Variants in AEBP2 observed in about 807,000 individuals in gnomAD.
The protein encoded by AEBP2 is AE binding protein 2, also known as zinc finger protein AEBP2.
A neutral mutation model predicts 50.8 loss-of-function variants in AEBP2; 10 were observed. That is an observed-to-expected ratio of 0.20 (90% CI 0.12 to 0.33). The LOEUF is 0.33. Among genes scored for constraint, AEBP2 ranks in the 10% least tolerant of loss-of-function variants. The pLI is 1.00. For synonymous variants in AEBP2, 296 were observed against 261.3 expected, an observed-to-expected ratio of 1.13 and a Z score of -1.28; for missense variants, 570 against 688.0, an observed-to-expected ratio of 0.83 and a Z score of 1.92.
At chr12:19,421,705 G>A (rs1056735267) in intron 1 of AEBP2, among the ~76,000 whole-genome samples, 6 of 152,246 alleles carry the variant, frequency 3.9e-5, no homozygotes, top group South Asian at 2.1e-4. Flanking sequence ...TAGCAGGGGG[G>A]CCTGGAGGCC....
Position 19,481,861 on chromosome 12 carries a change from G to A in AEBP2, c.987+8506G>A, listed in dbSNP as rs186460816. On this transcript the variant is annotated intron_variant, in intron 3 of 7. Transcript: ENST00000266508. ...TGTTTCTTTATGATATTTTTTCTCT[G>A]GAGAATTTTTCATCCGTATCCTGTA... 4.7e-4 allele frequency among the ~76,000 whole-genome samples: 72 copies of A among 152,194 alleles called. 3 individuals are homozygous for A. In the East Asian group the frequency reaches 7.5e-3, roughly 16 times the overall value.
chr12:19,487,858 G>A (rs1948834505), intron 3 of AEBP2, among the ~76,000 whole-genome samples: 1 of 152,118 alleles, frequency 6.6e-6, no homozygotes, highest in Non-Finnish European at 1.5e-5. Context: ...TCTGATTAGT[G>A]AGCTTTGATT....
intron 1 of AEBP2, chr12:19,440,854 CT>C (rs1947945088): frequency 6.0e-6 from 7 of 1,164,034 alleles, no homozygotes; most frequent in African/African-American, 3.1e-5. Context: ...CCAGCTATCA[CT>C]TTTCTCTACT....
intron 1 of AEBP2, among the ~76,000 whole-genome samples, chr12:19,461,676 A>AT (rs1237476469): frequency 5.3e-5 from 8 of 151,864 alleles, no homozygotes; most frequent in African/African-American, 1.9e-4. Context: ...CACCCGGATA[A>AT]TTTTTTGTAT....
chr12:19,424,912 G>C (rs770914092), intron 1 of AEBP2, among the ~76,000 whole-genome samples: 1 of 152,088 alleles, frequency 6.6e-6, no homozygotes, highest in Non-Finnish European at 1.5e-5. Flanking sequence ...AGGAGGCTGA[G>C]GCGGGAGAAT....
At chr12:19,446,544 A>G (rs1459974458) in intron 1 of AEBP2, among the ~76,000 whole-genome samples, 1 of 152,098 alleles carries the variant, frequency 6.6e-6, no homozygotes, top group East Asian at 1.9e-4. Context: ...CCTGGCTAAC[A>G]CGGTGAAACC....
intron 1 of AEBP2, among the ~76,000 whole-genome samples, chr12:19,407,474 C>G (rs560249220): frequency 8.6e-5 from 13 of 152,000 alleles, no homozygotes; most frequent in African/African-American, 1.4e-4. Context: ...CAGTTAATTT[C>G]TGTATTTTTA....
intron 1 of AEBP2, among the ~76,000 whole-genome samples, chr12:19,430,543 T>C (rs1170461087): frequency 1.3e-5 from 2 of 152,182 alleles, no homozygotes; most frequent in East Asian, 3.9e-4. Context: ...GGGGATGGCA[T>C]TGAATCTATA....
chr12:19,429,591 C>A (rs1408893894), intron 1 of AEBP2, among the ~76,000 whole-genome samples: 1 of 152,208 alleles, frequency 6.6e-6, no homozygotes, highest in Non-Finnish European at 1.5e-5. Flanking sequence ...TACAGTCCCA[C>A]CAACAGTATA....
chr12:19,486,921 G>A (rs935437084), intron 3 of AEBP2, among the ~76,000 whole-genome samples: 3 of 151,968 alleles, frequency 2.0e-5, no homozygotes, highest in Non-Finnish European at 2.9e-5. Context: ...GCCTTCCAAG[G>A]TGCTGGGATT....
At chr12:19,485,280 G>T (rs962646746) in intron 3 of AEBP2, among the ~76,000 whole-genome samples, 1 of 151,778 alleles carries the variant, frequency 6.6e-6, no homozygotes, top group African/African-American at 2.4e-5. Flanking sequence ...GTCTTTGAAA[G>T]AAAAAAAGTT....
At position 19,473,385 on chromosome 12, in the gene AEBP2, ATTTATTT is replaced by A. The variant is rs1460100841; in HGVS notation, c.987+31_987+37del. The A allele has an allele frequency of 6.6e-5, 32 of 483,828 alleles. 1 individual carries two copies. The highest frequency in any genetic ancestry group is 1.6e-4 in the African/African-American group (5 of 32,210). The allele number at this position is 483,828 out of a possible 1,614,324, so 30.0% of individuals were successfully genotyped here. ...GGATGCATGTATATAAAATTTATTT[ATTTATTT>A]ATTTATTTATTTATTTATTTATTTA... is the stretch of plus-strand genomic sequence containing the variant. On this transcript the variant is annotated intron_variant, in intron 3 of 7. Transcript: ENST00000266508.
At position 19,456,387 on chromosome 12, in the gene AEBP2, G is replaced by GAGAA. The variant is rs778959368; in HGVS notation, c.672-6122_672-6119dup. 3.6e-6 allele frequency: 5 copies of GAGAA among 1,376,236 alleles called. No homozygotes were observed. The East Asian group carries it at 6.9e-5, about 19-fold the overall frequency. 85.3% of individuals were successfully genotyped at this position (1,376,236 alleles called of 1,614,324 possible). A position where few individuals can be genotyped will look rare whatever the true frequency, so the allele number is the denominator to read the frequency against. On this transcript the variant is annotated intron_variant, in intron 1 of 7. Coordinates refer to ENST00000266508, the MANE Select transcript of AEBP2 (RefSeq NM_153207.5). ...AGCGCGACCCAGAGGTGGGTAGTCTGAGAAGCACTCAACACACACGGGCTT... is the reference window on the plus strand; with the variant it reads ...AGCGCGACCCAGAGGTGGGTAGTCTGAGAAAGAAGCACTCAACACACACGGGCTT...
At position 19,521,166 on chromosome 12, in the gene AEBP2, C is replaced by T. The variant is rs916654466; in HGVS notation, c.*3049C>T. Reference sequence around the variant, plus strand: ...GTCCTTTAAGAAAAAGTTTTCGATTCCTTTGTCTAGTTGACAAAAAGTTTG... The same window carrying T: ...GTCCTTTAAGAAAAAGTTTTCGATTTCTTTGTCTAGTTGACAAAAAGTTTG... On this transcript the variant is annotated 3_prime_UTR_variant, in exon 8 of 8. Transcript: ENST00000266508. 6.6e-6 allele frequency: 1 copy of T among 152,138 alleles called. No individual in the cohort carries two copies. The highest frequency in any genetic ancestry group is 1.5e-5 in the Non-Finnish European group (1 of 68,008). 9.4% of individuals were successfully genotyped at this position (152,138 alleles called of 1,614,324 possible).
At chr12:19,501,257 G>C (rs1729227346) in intron 5 of AEBP2, among the ~76,000 whole-genome samples, 1 of 151,618 alleles carries the variant, frequency 6.6e-6, no homozygotes, top group Non-Finnish European at 1.5e-5. Flanking sequence ...CTTGAGCCCA[G>C]GAGTTGGAGG....
rs115563192 is a variant in AEBP2 at position 19,443,438 on chromosome 12, G to T, written c.671+3068G>T. Among the ~76,000 whole-genome samples, 791 of 151,720 alleles carry T rather than the reference G, an allele frequency of 5.2e-3. 6 individuals are homozygous for T. The highest frequency in any genetic ancestry group is 0.018 in the African/African-American group (755 of 41,436). On this transcript the variant is annotated intron_variant, in intron 1 of 7. Coordinates refer to ENST00000266508, the MANE Select transcript of AEBP2 (RefSeq NM_153207.5). ...GTGCTACTTTTAAAAAGATAATTAG[G>T]CCGGGCATGGTGGCTCACCCCTGTA...
rs1198131122 is a variant in AEBP2, at chr12:19,455,156, G to A, written c.672-7354G>A. 2.0e-5 allele frequency among the ~76,000 whole-genome samples: 3 copies of A among 149,312 alleles called. No individual in the cohort carries two copies. The East Asian group carries it at 5.9e-4, about 29-fold the overall frequency. On this transcript the variant is annotated intron_variant, in intron 1 of 7. Coordinates refer to ENST00000266508, the MANE Select transcript of AEBP2 (RefSeq NM_153207.5). The stretch of plus-strand genomic sequence containing the variant: ...TTACAGGCACATACCAACATGCCCA[G>A]CTAATTTTTTTTTTTTTTAAGAGAC...
At position 19,428,713 on chromosome 12, in the gene AEBP2, T is replaced by G. The variant is rs972087240; in HGVS notation, c.-17+24497T>G. 2.3e-4 allele frequency among the ~76,000 whole-genome samples: 35 copies of G among 151,552 alleles called. No homozygotes were observed. In the Middle Eastern group the frequency reaches 0.01, roughly 44 times the overall value. ...CTGTAGTTCCAGCTACTTGGGAGGG[T>G]GAGGCAGGAGAATCCCTTGAACCTG... On this transcript the variant is annotated intron_variant, in intron 1 of 3. Coordinates refer to the AEBP2 transcript ENST00000538425.
intron 5 of AEBP2, among the ~76,000 whole-genome samples, chr12:19,500,607 G>T (rs920167162): frequency 1.3e-5 from 2 of 152,092 alleles, no homozygotes; most frequent in African/African-American, 4.8e-5. Flanking sequence ...TCACATTTCT[G>T]TGTACTGCAT....
Sources: allele counts gnomAD v4.1 joint callset (sites outside exome capture counted in the v4.1 genomes callset), GRCh38; gene constraint gnomAD v4.1.1; transcripts MANE v1.5; gene names NCBI Gene and HGNC (gene_info 2026-07-23, HGNC 2026-07-21).